The following RNLS variants were observed in gnomAD, a reference collection of about 807,000 sequenced individuals.
The protein encoded by RNLS is renalase, FAD dependent amine oxidase, also known as renalase.
RNLS carries 39 observed loss-of-function variants against 39.8 expected under a neutral mutation model. The observed-to-expected ratio is 0.98, with a 90% CI of 0.76 to 1.28. RNLS has a LOEUF of 1.28. Ranked by LOEUF, RNLS falls within the 50% of genes most tolerant of loss-of-function variation. The probability of loss-of-function intolerance (pLI) is 0.00; values close to 1 mark genes in which losing one functional copy is unlikely to be tolerated. For synonymous variants in RNLS, 147 were observed against 150.7 expected, an observed-to-expected ratio of 0.98 and a Z score of 0.18; for missense variants, 410 against 413.3, an observed-to-expected ratio of 0.99 and a Z score of 0.07.
At chr10:88,383,303 C>T (rs1294754596) in intron 4 of RNLS, among the ~76,000 whole-genome samples, 2 of 152,050 alleles carry the variant, frequency 1.3e-5, no homozygotes, top group Admixed American at 6.6e-5. Context: ...TAATTGAATA[C>T]TGAATAGTTT....
At chr10:88,242,707 T>G in the RNLS span, among the ~76,000 whole-genome samples, 1 of 152,140 alleles carries the variant, frequency 6.6e-6, no homozygotes, top group African/African-American at 2.4e-5. Context: ...TCTCAGCACT[T>G]TGGGAGGCTG....
intron 4 of RNLS, among the ~76,000 whole-genome samples, chr10:88,406,426 TC>T (rs1433959787): frequency 6.6e-6 from 1 of 152,118 alleles, no homozygotes; most frequent in Non-Finnish European, 1.5e-5. Flanking sequence ...ATTTTCTTAT[TC>T]TTTTTTCTTT....
intron 4 of RNLS, among the ~76,000 whole-genome samples, chr10:88,504,844 A>AGTGTGT (rs34411833): frequency 0.022 from 2,948 of 136,218 alleles, 64 homozygotes; most frequent in African/African-American, 0.059. Flanking sequence ...AGAGAGACAG[A>AGTGTGT]GTGTGTGTGT....
At chr10:88,364,866 T>C (rs1849926284) in intron 4 of RNLS, among the ~76,000 whole-genome samples, 1 of 152,158 alleles carries the variant, frequency 6.6e-6, no homozygotes, top group South Asian at 2.1e-4. Flanking sequence ...ACATTAATGC[T>C]AGCAGCTGAG....
chr10:88,222,592 A>G, the RNLS span, among the ~76,000 whole-genome samples: 1 of 152,140 alleles, frequency 6.6e-6, no homozygotes, highest in South Asian at 2.1e-4. Flanking sequence ...CTCCCGGAAT[A>G]TTGCTTTTTT....
chr10:88,277,807 A>C, intron 6 of RNLS, among the ~76,000 whole-genome samples: 1 of 152,120 alleles, frequency 6.6e-6, no homozygotes, highest in South Asian at 2.1e-4. Flanking sequence ...TTTAATATAG[A>C]TGGTTCTAGT....
At chr10:88,477,433 TGATGATGGGGATGACAGC>T (rs1396332857) in intron 4 of RNLS, among the ~76,000 whole-genome samples, 1 of 151,878 alleles carries the variant, frequency 6.6e-6, no homozygotes, top group Non-Finnish European at 1.5e-5. Flanking sequence ...ACAGAGATAA[TGATGATGGGGATGACAGC>T]GATGGTGGGG....
intron 5 of RNLS, among the ~76,000 whole-genome samples, chr10:88,346,748 C>T (rs998475221): frequency 4.6e-5 from 7 of 152,080 alleles, no homozygotes; most frequent in East Asian, 1.9e-4. Context: ...CCTATTATGC[C>T]GTGATGTTAG....
intron 6 of RNLS, chr10:88,309,607 C>T: frequency 2.1e-6 from 1 of 466,124 alleles, no homozygotes; most frequent in South Asian, 1.7e-5. Context: ...CAAATGGAAA[C>T]TTTGTATTGA....
At chr10:88,247,251 T>C in the RNLS span, among the ~76,000 whole-genome samples, 2 of 152,044 alleles carry the variant, frequency 1.3e-5, no homozygotes, top group Admixed American at 6.6e-5. Context: ...TCACAATACA[T>C]GCAACAGAGG....
chr10:88,502,448 G>T (rs1845557463), intron 4 of RNLS, among the ~76,000 whole-genome samples: 1 of 152,036 alleles, frequency 6.6e-6, no homozygotes, highest in Non-Finnish European at 1.5e-5. Context: ...TCTCTCTAAT[G>T]CATCCTCAGT....
chr10:88,257,672 G>A, the RNLS span, among the ~76,000 whole-genome samples: 1 of 152,180 alleles, frequency 6.6e-6, no homozygotes, highest in Admixed American at 6.5e-5. Flanking sequence ...GGGTAAACAG[G>A]GGAAGAGAAA....
the RNLS span, among the ~76,000 whole-genome samples, chr10:88,197,158 T>G: frequency 2.0e-5 from 3 of 152,360 alleles, no homozygotes; most frequent in African/African-American, 7.2e-5. Flanking sequence ...AAGGCCATTT[T>G]GTTTTTCTGA....
At chr10:88,366,663 G>GAAAA (rs774157650) in intron 4 of RNLS, among the ~76,000 whole-genome samples, 19 of 25,830 alleles carry the variant, frequency 7.4e-4, no homozygotes, top group South Asian at 4.4e-3. Context: ...TAAGTTTTCT[G>GAAAA]AAAAAAAAAA....
intron 5 of RNLS, among the ~76,000 whole-genome samples, chr10:88,350,484 T>A (rs1230808177): frequency 1.3e-5 from 2 of 152,148 alleles, no homozygotes; most frequent in African/African-American, 2.4e-5. Context: ...ATGCGGTGTT[T>A]GGTTTTTTGT....
chr10:88,336,750 A>G (rs147331881), intron 5 of RNLS, among the ~76,000 whole-genome samples: 1,994 of 152,278 alleles, frequency 0.013, 16 homozygotes, highest in Non-Finnish European at 0.021. Flanking sequence ...TTTTAGCAAT[A>G]CTTTCGGGTG....
At chr10:88,263,912 C>T in the RNLS span, among the ~76,000 whole-genome samples, 1 of 151,928 alleles carries the variant, frequency 6.6e-6, no homozygotes, top group Non-Finnish European at 1.5e-5. Flanking sequence ...GATTTTGGTG[C>T]ACTCATACCC....
At chr10:88,172,839 G>GTTTT in the RNLS span, among the ~76,000 whole-genome samples, 9 of 31,500 alleles carry the variant, frequency 2.9e-4, no homozygotes, top group African/African-American at 5.5e-4. Flanking sequence ...TGCATTTTGA[G>GTTTT]TTGTTTTTTT....
chr10:88,554,585 T>C (rs560581552), intron 4 of RNLS, among the ~76,000 whole-genome samples: 9 of 152,060 alleles, frequency 5.9e-5, no homozygotes, highest in South Asian at 4.2e-4. Context: ...GCTGATGATC[T>C]TGCTTCTTGT....
Sources: allele counts gnomAD v4.1 joint callset (sites outside exome capture counted in the v4.1 genomes callset), GRCh38; gene constraint gnomAD v4.1.1; transcripts MANE v1.5; gene names NCBI Gene and HGNC (gene_info 2026-07-23, HGNC 2026-07-21).